The following CBLN2 variants were observed in gnomAD, a reference collection of about 807,000 sequenced individuals.
CBLN2 encodes the protein cerebellin-2.
Under a neutral mutation model 15.0 loss-of-function variants are expected in CBLN2, and 7 were observed. The observed-to-expected ratio is 0.47, with a 90% CI of 0.27 to 0.88. CBLN2 has a LOEUF of 0.88. Ranked by LOEUF, CBLN2 falls within the 40% of genes least tolerant of loss-of-function variation. The pLI, the probability that CBLN2 is intolerant of heterozygous loss-of-function variation, is 0.14. For missense variants in CBLN2, 242 were observed against 304.5 expected (o/e 0.79, Z 1.53); for synonymous variants, 149 against 135.2 (o/e 1.10, Z -0.71).
chr18:72,574,449 C>T lies in CBLN2; in HGVS notation c.16-35677G>A, dbSNP rs558305372. ...CAGGAACAAAGAAATCGGGTGGCACCAGGAGAAGGGGGCTGTGGCCGAGAA... is the reference window on the plus strand; with the variant it reads ...CAGGAACAAAGAAATCGGGTGGCACTAGGAGAAGGGGGCTGTGGCCGAGAA... On this transcript the variant is annotated intron_variant, in intron 1 of 2. Coordinates refer to the CBLN2 transcript ENST00000581073. Among the ~76,000 whole-genome samples the T allele has an allele frequency of 2.6e-5, 4 of 152,194 alleles. No individual in the cohort carries two copies. In the South Asian group the frequency reaches 6.2e-4, roughly 24 times the overall value.
chr18:72,600,859 G>A (rs539539562), intron 1 of CBLN2, among the ~76,000 whole-genome samples: 6 of 152,242 alleles, frequency 3.9e-5, no homozygotes, highest in East Asian at 1.9e-4. Flanking sequence ...AACAGTTCTC[G>A]TGTGCTGAGT....
chr18:72,604,436 C>G (rs2069569895), intron 1 of CBLN2, among the ~76,000 whole-genome samples: 1 of 152,008 alleles, frequency 6.6e-6, no homozygotes, highest in Non-Finnish European at 1.5e-5. Flanking sequence ...GTCTATTTAC[C>G]TGACCGGCTA....
At chr18:72,539,125 G>C (rs955010927) in intron 3 of CBLN2, 3 of 206,982 alleles carry the variant, frequency 1.4e-5, no homozygotes, top group African/African-American at 6.8e-5. Flanking sequence ...ATTGAGTCCA[G>C]GGAGGTCTGT....
At chr18:72,571,191 T>G (rs1270496630) in intron 1 of CBLN2, among the ~76,000 whole-genome samples, 1 of 152,148 alleles carries the variant, frequency 6.6e-6, no homozygotes, top group African/African-American at 2.4e-5. Context: ...TTATCTAAAT[T>G]AATACTTACT....
chr18:72,597,683 G>A (rs894115130), intron 1 of CBLN2, among the ~76,000 whole-genome samples: 1 of 152,190 alleles, frequency 6.6e-6, no homozygotes, highest in African/African-American at 2.4e-5. Context: ...GTGAACAAGG[G>A]CTTCTAATCA....
intron 1 of CBLN2, chr18:72,552,461 A>T (rs964570513): frequency 3.3e-5 from 5 of 152,134 alleles, no homozygotes; most frequent in Admixed American, 3.3e-4. Flanking sequence ...TATTTTTTCA[A>T]AATACATAAA....
At chr18:72,634,158 G>A (rs1010858975) in intron 1 of CBLN2, among the ~76,000 whole-genome samples, 31 of 152,086 alleles carry the variant, frequency 2.0e-4, no homozygotes, top group Admixed American at 1.4e-3. Flanking sequence ...TAAACAAAAT[G>A]TATCCCTTTG....
intron 1 of CBLN2, among the ~76,000 whole-genome samples, chr18:72,578,906 C>A (rs1220132963): frequency 6.6e-6 from 1 of 152,174 alleles, no homozygotes; most frequent in Admixed American, 6.5e-5. Flanking sequence ...CACCCTTCAC[C>A]TTTCAATTCT....
At chr18:72,625,742 T>G in intron 1 of CBLN2, among the ~76,000 whole-genome samples, 1 of 132,532 alleles carries the variant, frequency 7.5e-6, no homozygotes, top group Non-Finnish European at 1.6e-5. Context: ...TCTTGTCCGT[T>G]AGACCAAATG....
intron 1 of CBLN2, among the ~76,000 whole-genome samples, chr18:72,624,314 T>A (rs748827848): frequency 6.6e-6 from 1 of 152,132 alleles, no homozygotes; most frequent in Non-Finnish European, 1.5e-5. Context: ...TAAAACCGCA[T>A]GTTTTTTCCC....
intron 1 of CBLN2, among the ~76,000 whole-genome samples, chr18:72,615,707 A>G (rs1218149369): frequency 6.6e-6 from 1 of 152,110 alleles, no homozygotes; most frequent in Non-Finnish European, 1.5e-5. Context: ...GTTTTTTATG[A>G]TTGTCTATGA....
chr18:72,629,676 A>G (rs1368463464), intron 1 of CBLN2, among the ~76,000 whole-genome samples: 1 of 152,148 alleles, frequency 6.6e-6, no homozygotes. Flanking sequence ...TGTTATTTGC[A>G]AATATAATGT....
chr18:72,546,408 C>T (rs552432372), upstream of CBLN2, among the ~76,000 whole-genome samples: 15 of 151,788 alleles, frequency 9.9e-5, no homozygotes, highest in African/African-American at 3.6e-4. Flanking sequence ...CTGCAGTCCT[C>T]CGGCCTGGGT....
chr18:72,574,876 GTCA>G (rs953906706), intron 1 of CBLN2, among the ~76,000 whole-genome samples: 23 of 152,192 alleles, frequency 1.5e-4, no homozygotes, highest in African/African-American at 5.5e-4. Flanking sequence ...GGCAAATTCA[GTCA>G]TCATGGTTGC....
At chr18:72,548,346 T>C (rs1247831521), upstream of CBLN2, among the ~76,000 whole-genome samples, 1 of 152,220 alleles carries the variant, frequency 6.6e-6, no homozygotes, top group African/African-American at 2.4e-5. Flanking sequence ...CCAAAACTAT[T>C]TGCTAGCACT....
chr18:72,595,360 T>G (rs1411724109), intron 1 of CBLN2, among the ~76,000 whole-genome samples: 1 of 152,134 alleles, frequency 6.6e-6, no homozygotes, highest in Non-Finnish European at 1.5e-5. Context: ...TGTTATTGAT[T>G]TCTAGTTTTA....
chr18:72,610,183 T>G (rs1485477136), intron 1 of CBLN2, among the ~76,000 whole-genome samples: 1 of 152,098 alleles, frequency 6.6e-6, no homozygotes, highest in South Asian at 2.1e-4. Flanking sequence ...GTTGTTGTTG[T>G]TTTTAGCCTG....
chr18:72,625,855 A>G (rs1477092415), intron 1 of CBLN2, among the ~76,000 whole-genome samples: 2 of 142,802 alleles, frequency 1.4e-5, no homozygotes, highest in Non-Finnish European at 3.1e-5. Flanking sequence ...GTACACACAC[A>G]CATATACTCT....
intron 1 of CBLN2, among the ~76,000 whole-genome samples, chr18:72,569,964 T>TA (rs758633902): frequency 3.0e-4 from 46 of 152,294 alleles, no homozygotes; most frequent in Non-Finnish European, 5.9e-4. Context: ...AGAAATGTCT[T>TA]AGAGACTGAG....
Sources: gnomAD v4.1 joint callset for allele counts (sites outside exome capture counted in the v4.1 genomes callset) on GRCh38, gnomAD v4.1.1 for gene constraint, MANE v1.5 for transcripts, NCBI Gene and HGNC (gene_info 2026-07-23, HGNC 2026-07-21) for gene names.